The following TLN2 variants were observed in gnomAD, a reference collection of about 807,000 sequenced individuals.
TLN2 encodes talin 2, also known as talin-2.
Under a neutral mutation model 294.7 loss-of-function variants are expected in TLN2, and 118 were observed. The observed-to-expected ratio is 0.40, with a 90% CI of 0.34 to 0.47. The LOEUF (loss-of-function observed/expected upper bound fraction) is 0.47. TLN2 is among the 20% of genes least tolerant of loss of function. The probability of loss-of-function intolerance (pLI) is 0.84; values close to 1 mark genes in which losing one functional copy is unlikely to be tolerated. For synonymous variants in TLN2, 1,431 were observed against 1,304.5 expected, an observed-to-expected ratio of 1.10 and a Z score of -2.09; for missense variants, 3,083 against 3,282.2, an observed-to-expected ratio of 0.94 and a Z score of 1.48.
At chr15:62,654,826 C>G (rs2053023713) in intron 7 of TLN2, among the ~76,000 whole-genome samples, 1 of 146,700 alleles carries the variant, frequency 6.8e-6, no homozygotes, top group Non-Finnish European at 1.5e-5. Context: ...TACAGCCACA[C>G]AGTTAATATA....
intron 42 of TLN2, among the ~76,000 whole-genome samples, chr15:62,771,789 G>A (rs988683834): frequency 2.0e-5 from 3 of 152,224 alleles, no homozygotes; most frequent in Admixed American, 2.0e-4. Context: ...CACCAGGCAG[G>A]AGGATGGACT....
At position 62,805,795 on chromosome 15, in the gene TLN2, T is replaced by C. The variant is rs753885561; in HGVS notation, c.6663+10T>C. On this transcript the variant is annotated intron_variant, in intron 51 of 58. Coordinates refer to ENST00000636159, the MANE Select transcript of TLN2 (RefSeq NM_015059.3). ...GTTGACGGCTTGCAAGGTAAAGAGC[T>C]TGGCATGGTTTTGGATGGACAGATG... 6 of 1,610,280 alleles carry C rather than the reference T, an allele frequency of 3.7e-6. No individual in the cohort carries two copies. In the East Asian group the frequency reaches 1.3e-4, roughly 36 times the overall value.
chr15:62,543,593 A>T (rs1216917424), intron 1 of TLN2, among the ~76,000 whole-genome samples: 1 of 152,090 alleles, frequency 6.6e-6, no homozygotes, highest in South Asian at 2.1e-4. Flanking sequence ...CGTCTCTACT[A>T]AAAATACAAA....
rs771130329 is a variant in TLN2, at chr15:62,763,681, G to A, written c.5080G>A (p.Asp1694Asn). 1.5e-5 allele frequency: 24 copies of A among 1,609,490 alleles called. No homozygotes were observed. Among genetic ancestry groups the A allele is most frequent in the African/African-American group, 6.7e-5 (5 of 75,012 alleles). ...CAGCCAGAGCCTGGCCACGAGGGAC[G>A]ACATCTCTGTGGAGGTAAGCTGGGA... ...AVSQSLATRD[D>N]ISVEALQEQL... The change falls in exon 40 of 59, where the codon GAC (aspartate) becomes AAC (asparagine). Residue 1694 changes from aspartate to asparagine, a missense_variant. Physicochemically the swap from Asp to Asn is conservative, Grantham distance 23. Transcript: ENST00000636159.
intron 1 of TLN2, among the ~76,000 whole-genome samples, chr15:62,460,012 G>A (rs2036704634): frequency 6.6e-6 from 1 of 152,186 alleles, no homozygotes. Flanking sequence ...TGTGATCCAG[G>A]ACCTCAGCTC....
intron 54 of TLN2, among the ~76,000 whole-genome samples, chr15:62,826,415 C>A (rs1363736035): frequency 2.0e-5 from 3 of 152,182 alleles, no homozygotes; most frequent in African/African-American, 7.2e-5. Flanking sequence ...ACAGGCACAG[C>A]CATTTGGCAG....
intron 29 of TLN2, among the ~76,000 whole-genome samples, chr15:62,737,339 T>C (rs561015868): frequency 6.6e-6 from 1 of 152,330 alleles, no homozygotes; most frequent in African/African-American, 2.4e-5. Context: ...TTGAATTCTG[T>C]CCTTGGGAGT....
chr15:62,596,425 ATTTG>A (rs1013107687), intron 2 of TLN2, among the ~76,000 whole-genome samples: 2 of 152,126 alleles, frequency 1.3e-5, no homozygotes, highest in Non-Finnish European at 1.5e-5. Flanking sequence ...TATAACTTTT[ATTTG>A]TTAATATATT....
chr15:62,522,827 T>C (rs916218963), intron 1 of TLN2, among the ~76,000 whole-genome samples: 2 of 152,126 alleles, frequency 1.3e-5, no homozygotes, highest in African/African-American at 2.4e-5. Context: ...CTCTCTCTCA[T>C]GTGCAGTTAA....
At chr15:62,486,326 C>T (rs1174179656) in intron 1 of TLN2, among the ~76,000 whole-genome samples, 1 of 152,012 alleles carries the variant, frequency 6.6e-6, no homozygotes, top group Non-Finnish European at 1.5e-5. Context: ...CAAATTTTGC[C>T]ACTTCACACA....
chr15:62,402,035 G>A (rs1468890720), intron 1 of TLN2, among the ~76,000 whole-genome samples: 3 of 152,130 alleles, frequency 2.0e-5, no homozygotes, highest in African/African-American at 7.2e-5. Context: ...TAGTCCCAGG[G>A]TCAAGAACCC....
intron 3 of TLN2, among the ~76,000 whole-genome samples, chr15:62,628,218 A>G (rs887763876): frequency 9.2e-5 from 14 of 152,214 alleles, no homozygotes; most frequent in African/African-American, 2.9e-4. Context: ...TTTCTCCTTT[A>G]CTAGTAACTC....
intron 1 of TLN2, among the ~76,000 whole-genome samples, chr15:62,460,210 T>A (rs2036715996): frequency 6.6e-6 from 1 of 151,898 alleles, no homozygotes; most frequent in African/African-American, 2.4e-5. Flanking sequence ...GGTTTCAGCT[T>A]CGGGGTGCAT....
chr15:62,679,397 T>G (rs545219053), intron 11 of TLN2, among the ~76,000 whole-genome samples: 7 of 152,138 alleles, frequency 4.6e-5, no homozygotes, highest in African/African-American at 1.4e-4. Flanking sequence ...GTAGACAATT[T>G]GTGGTGTATC....
intron 36 of TLN2, chr15:62,755,201 G>A (rs2062167820): frequency 1.9e-5 from 4 of 210,384 alleles, no homozygotes; most frequent in East Asian, 1.1e-4. Context: ...TTGGGTATGT[G>A]TAGACCTTGG....
Position 62,645,739 on chromosome 15 carries a change from T to C in TLN2, c.-36-1536T>C, listed in dbSNP as rs1314736492. Among the ~76,000 whole-genome samples the C allele has an allele frequency of 2.0e-5, 3 of 152,304 alleles. No homozygotes were observed. In the East Asian group the frequency reaches 5.8e-4, roughly 29 times the overall value. On this transcript the variant is annotated intron_variant, in intron 3 of 58. Transcript: ENST00000636159. ...GGAAGAAGCTGGAGTCCAGGTTTAC[T>C]ACCTGCAGGTTCTCTCATAAAACAC...
chr15:62,476,778 G>A (rs1197128182), intron 1 of TLN2, among the ~76,000 whole-genome samples: 2 of 152,146 alleles, frequency 1.3e-5, no homozygotes, highest in East Asian at 1.9e-4. Context: ...CCGCTTTATG[G>A]TGGCAGATGC....
chr15:62,651,457 TG>T (rs2140943981), intron 5 of TLN2, among the ~76,000 whole-genome samples: 1 of 152,324 alleles, frequency 6.6e-6, no homozygotes, highest in African/African-American at 2.4e-5. Flanking sequence ...AGAAAATTAT[TG>T]GGAAAATAAT....
intron 3 of TLN2, among the ~76,000 whole-genome samples, chr15:62,643,678 A>G (rs1395371436): frequency 6.6e-6 from 1 of 151,890 alleles, no homozygotes; most frequent in African/African-American, 2.4e-5. Flanking sequence ...CTTCTGTGGG[A>G]GCAGGTTACC....
Sources: allele counts gnomAD v4.1 joint callset (sites outside exome capture counted in the v4.1 genomes callset), GRCh38; gene constraint gnomAD v4.1.1; transcripts MANE v1.5; gene names NCBI Gene and HGNC (gene_info 2026-07-23, HGNC 2026-07-21).